The following MTUS2 variants were observed in gnomAD, a reference collection of about 807,000 sequenced individuals.
MTUS2 encodes microtubule-associated tumor suppressor candidate 2.
In MTUS2, 40 loss-of-function variants were observed where a neutral mutation model predicts 114.1. The ratio of observed to expected loss-of-function variants is 0.35; its 90% CI spans 0.27 to 0.46. The LOEUF (loss-of-function observed/expected upper bound fraction) is 0.46, where lower values mean the gene tolerates loss of function less well. MTUS2 is among the 20% of genes least tolerant of loss of function. The pLI is 1.00. For synonymous variants in MTUS2, 688 were observed against 672.0 expected (o/e 1.02, Z -0.37); for missense variants, 1,679 against 1,705.4 (o/e 0.98, Z 0.27).
intron 5 of MTUS2, among the ~76,000 whole-genome samples, chr13:29,271,857 T>C (rs371642166): frequency 6.6e-6 from 1 of 152,192 alleles, no homozygotes; most frequent in Admixed American, 6.5e-5. Flanking sequence ...AATCAATGTT[T>C]TGTGGATAGA....
At position 28,987,870 on chromosome 13, in the gene MTUS2, C is replaced by CA. The variant is rs547921703; in HGVS notation, c.-242-36581dup. ...ATGGTACAATTTTTGTGTTTTTTAC[C>CA]AAAAAACAAAAAGCACATACCACTG... is the stretch of plus-strand genomic sequence containing the variant. On this transcript the variant is annotated intron_variant, in intron 2 of 15. Coordinates refer to ENST00000612955, the MANE Select transcript of MTUS2 (RefSeq NM_001033602.4). Among the ~76,000 whole-genome samples, 23 of 151,996 alleles carry CA rather than the reference C, an allele frequency of 1.5e-4. 1 individual carries two copies. In the South Asian group the frequency reaches 4.6e-3, roughly 30 times the overall value.
At chr13:29,059,519 G>C (rs2475546) in intron 4 of MTUS2, among the ~76,000 whole-genome samples, 55,146 of 152,038 alleles carry the variant, frequency 0.36, 10,164 homozygotes, top group Admixed American at 0.4. Context: ...TCAGGCAGAA[G>C]TAGGACTGCT....
chr13:29,466,576 T>A (rs1035553801), intron 9 of MTUS2, among the ~76,000 whole-genome samples: 8 of 152,016 alleles, frequency 5.3e-5, no homozygotes, highest in Non-Finnish European at 1.2e-4. Flanking sequence ...TGATGAGTAA[T>A]AAAGAAAGAC....
At chr13:29,061,524 G>A (rs140881357) in intron 4 of MTUS2, among the ~76,000 whole-genome samples, 5 of 152,296 alleles carry the variant, frequency 3.3e-5, no homozygotes, top group African/African-American at 9.6e-5. Flanking sequence ...TCTTATGCAG[G>A]TTTTTGGATA....
chr13:29,271,049 C>T (rs1294004425), intron 5 of MTUS2, among the ~76,000 whole-genome samples: 2 of 152,228 alleles, frequency 1.3e-5, no homozygotes, highest in Admixed American at 6.5e-5. Context: ...AAGATATCCT[C>T]TTCTTTATTT....
chr13:28,844,831 G>T (rs1190727306), intron 2 of MTUS2, among the ~76,000 whole-genome samples: 1 of 152,098 alleles, frequency 6.6e-6, no homozygotes, highest in African/African-American at 2.4e-5. Flanking sequence ...GTTGCCCAGG[G>T]TGGTCTCGAA....
rs1555276024 is a variant in MTUS2 at position 29,416,824 on chromosome 13, G to GGTTTGGTTTT, written c.3118-23155_3118-23154insGGTTTTGTTT. Among the ~76,000 whole-genome samples, 46 of 48,986 alleles carry GGTTTGGTTTT rather than the reference G, an allele frequency of 9.4e-4. No individual in the cohort carries two copies. The East Asian group carries it at 0.015, about 16-fold the overall frequency. The allele number at this position is 48,986 out of a possible 152,430, so 32.1% of individuals were successfully genotyped here. On this transcript the variant is annotated intron_variant, in intron 8 of 15. Coordinates refer to ENST00000612955, the MANE Select transcript of MTUS2 (RefSeq NM_001033602.4). Reference sequence around the variant, plus strand: ...TAATTAAGTGACCTTTTTGCCTAGAGGTTTTGTTTTGTTTTGTTTTGTTTT... The same window carrying GGTTTGGTTTT: ...TAATTAAGTGACCTTTTTGCCTAGAGGTTTGGTTTTGTTTTGTTTTGTTTTGTTTTGTTTT...
At chr13:29,300,818 A>G (rs148537017) in intron 6 of MTUS2, among the ~76,000 whole-genome samples, 261 of 152,312 alleles carry the variant, frequency 1.7e-3, no homozygotes, top group Non-Finnish European at 1.0e-3. Flanking sequence ...CACAGAGCTT[A>G]TCATCCACAG....
chr13:29,497,853 C>G (rs1882649472), intron 13 of MTUS2: 1 of 163,350 alleles, frequency 6.1e-6, no homozygotes, highest in South Asian at 1.7e-4. Context: ...CCATGCAATA[C>G]TTATACTGAA....
intron 5 of MTUS2, among the ~76,000 whole-genome samples, chr13:29,264,975 A>G (rs1223033507): frequency 6.6e-6 from 1 of 152,172 alleles, no homozygotes; most frequent in East Asian, 1.9e-4. Context: ...AGTCTGATTG[A>G]ATTCCTCTTT....
intron 2 of MTUS2, among the ~76,000 whole-genome samples, chr13:28,842,187 C>G (rs1292814166): frequency 1.3e-5 from 2 of 151,696 alleles, no homozygotes; most frequent in African/African-American, 2.4e-5. Flanking sequence ...CACAAATGAT[C>G]TATGTTTTGA....
At chr13:29,084,863 T>C (rs1040232212) in intron 4 of MTUS2, among the ~76,000 whole-genome samples, 2 of 150,826 alleles carry the variant, frequency 1.3e-5, no homozygotes, top group South Asian at 2.1e-4. Flanking sequence ...GGTTACTTTA[T>C]AGGGTTTAAG....
At chr13:29,209,003 C>T (rs1593605909) in intron 5 of MTUS2, among the ~76,000 whole-genome samples, 1 of 152,028 alleles carries the variant, frequency 6.6e-6, no homozygotes, top group Non-Finnish European at 1.5e-5. Context: ...GATGACCTGC[C>T]TAGTGCTGTC....
intron 5 of MTUS2, among the ~76,000 whole-genome samples, chr13:29,145,304 G>A (rs190398890): frequency 6.3e-4 from 96 of 152,172 alleles, no homozygotes; most frequent in Middle Eastern, 3.4e-3. Flanking sequence ...GGTGGATCAC[G>A]AGGTCAGAAG....
At chr13:28,877,647 CCTG>C (rs1878027272) in intron 2 of MTUS2, among the ~76,000 whole-genome samples, 1 of 152,124 alleles carries the variant, frequency 6.6e-6, no homozygotes, top group Non-Finnish European at 1.5e-5. Context: ...TACTATAAAT[CCTG>C]TGACTAACGT....
intron 5 of MTUS2, among the ~76,000 whole-genome samples, chr13:29,120,391 T>G (rs984097816): frequency 6.6e-6 from 1 of 152,080 alleles, no homozygotes; most frequent in South Asian, 2.1e-4. Context: ...ATATCCATGA[T>G]TATTTAAATG....
intron 2 of MTUS2, among the ~76,000 whole-genome samples, chr13:29,018,916 A>T (rs1886178990): frequency 6.6e-6 from 1 of 152,188 alleles, no homozygotes; most frequent in African/African-American, 2.4e-5. Context: ...TTGAGCAAGG[A>T]GAGCATGTGA....
chr13:29,469,729 C>G, intron 9 of MTUS2, among the ~76,000 whole-genome samples: 1 of 151,648 alleles, frequency 6.6e-6, no homozygotes, highest in Non-Finnish European at 1.5e-5. Flanking sequence ...ATCGTTTGAG[C>G]CCAAGAGTTA....
At chr13:29,186,965 G>A (rs542626745) in intron 5 of MTUS2, among the ~76,000 whole-genome samples, 44 of 151,908 alleles carry the variant, frequency 2.9e-4, no homozygotes, top group African/African-American at 9.9e-4. Context: ...AAGAAATTTG[G>A]GAAATTTACA....
Sources: gnomAD v4.1 joint callset for allele counts (sites outside exome capture counted in the v4.1 genomes callset) on GRCh38, gnomAD v4.1.1 for gene constraint, MANE v1.5 for transcripts, NCBI Gene and HGNC (gene_info 2026-07-23, HGNC 2026-07-21) for gene names.